Variants in TAMM41 observed in about 807,000 individuals in gnomAD.
TAMM41 encodes phosphatidate cytidylyltransferase, mitochondrial.
A neutral mutation model predicts 44.1 loss-of-function variants in TAMM41; 36 were observed. That is an observed-to-expected ratio of 0.82 (90% confidence interval 0.63 to 1.08). The LOEUF (loss-of-function observed/expected upper bound fraction) is 1.08, where lower values mean the gene tolerates loss of function less well. Ranked by LOEUF, TAMM41 falls within the 50% of genes least tolerant of loss-of-function variation. The probability of loss-of-function intolerance (pLI) is 0.00; values close to 1 mark genes in which losing one functional copy is unlikely to be tolerated. For synonymous variants in TAMM41, 164 were observed against 153.1 expected (o/e 1.07, Z -0.53); for missense variants, 417 against 404.3 (o/e 1.03, Z -0.27).
chr3:11,821,933 T>C (rs1331343959), intron 4 of TAMM41, among the ~76,000 whole-genome samples: 2 of 152,192 alleles, frequency 1.3e-5, no homozygotes, highest in Non-Finnish European at 2.9e-5. Context: ...ATTCCACACC[T>C]GACCTCATGC....
chr3:11,838,869 T>A (rs926370328), intron 3 of TAMM41, among the ~76,000 whole-genome samples: 1 of 152,040 alleles, frequency 6.6e-6, no homozygotes, highest in African/African-American at 2.4e-5. Flanking sequence ...AGCCCTATCC[T>A]GAATCTATCT....
the TAMM41 span, among the ~76,000 whole-genome samples, chr3:11,744,747 T>C: frequency 6.6e-6 from 1 of 151,696 alleles, no homozygotes; most frequent in Non-Finnish European, 1.5e-5. Flanking sequence ...AGAAAATAGA[T>C]TGGGCATGGT....
chr3:11,755,559 G>A, the TAMM41 span, among the ~76,000 whole-genome samples: 3 of 152,126 alleles, frequency 2.0e-5, no homozygotes, highest in East Asian at 1.9e-4. Flanking sequence ...AACTGCTGCC[G>A]AGCACTCTGA....
chr3:11,747,331 G>A, the TAMM41 span, among the ~76,000 whole-genome samples: 14 of 152,154 alleles, frequency 9.2e-5, no homozygotes, highest in African/African-American at 2.4e-5. Context: ...CAACGTGCTG[G>A]GATTACAGGC....
chr3:11,722,224 A>G, the TAMM41 span, among the ~76,000 whole-genome samples: 47 of 152,204 alleles, frequency 3.1e-4, no homozygotes, highest in African/African-American at 1.0e-3. Context: ...CATGGATGTG[A>G]CCAGTCTTCG....
At chr3:11,772,543 G>A in the TAMM41 span, among the ~76,000 whole-genome samples, 3 of 151,828 alleles carry the variant, frequency 2.0e-5, no homozygotes. Context: ...TTTTTTAATG[G>A]CTGAGTATAT....
rs937968518 is a variant in TAMM41, at chr3:11,803,638, C to G, written c.937+4195G>C. Among the ~76,000 whole-genome samples, 6 of 152,270 alleles carry G rather than the reference C, an allele frequency of 3.9e-5. 1 individual carries two copies. Among genetic ancestry groups the G allele is most frequent in the South Asian group, 2.1e-4 (1 of 4,828 alleles). On this transcript the variant is annotated intron_variant, in intron 7 of 7. Coordinates refer to ENST00000455809, the MANE Select transcript of TAMM41 (RefSeq NM_001284401.2). ...AAAACCACTCGTATGTTTACTGCAG[C>G]ACTAGTCACAATAGCAATGATATGG...
chr3:11,811,210 A>C (rs945537337), intron 5 of TAMM41: 2 of 152,196 alleles, frequency 1.3e-5, no homozygotes, highest in Admixed American at 1.3e-4. Context: ...TTTTATCTAA[A>C]TATTTGATAT....
At chr3:11,781,693 C>G in the TAMM41 span, among the ~76,000 whole-genome samples, 2 of 151,382 alleles carry the variant, frequency 1.3e-5, no homozygotes, top group African/African-American at 4.9e-5. Flanking sequence ...CAAGATCATA[C>G]CACTACACTC....
At chr3:11,789,737 G>A (rs2077441475), downstream of TAMM41, among the ~76,000 whole-genome samples, 2 of 152,206 alleles carry the variant, frequency 1.3e-5, no homozygotes, top group African/African-American at 4.8e-5. Context: ...GAGGCCATCT[G>A]AAAGGAGTCT....
intron 4 of TAMM41, among the ~76,000 whole-genome samples, chr3:11,822,689 G>C (rs1267203633): frequency 6.6e-6 from 1 of 152,128 alleles, no homozygotes; most frequent in Admixed American, 6.6e-5. Context: ...GTTTTCAAGG[G>C]TCATCACACT....
At chr3:11,785,195 GCTTT>G in the TAMM41 span, among the ~76,000 whole-genome samples, 1 of 152,118 alleles carries the variant, frequency 6.6e-6, no homozygotes, top group Non-Finnish European at 1.5e-5. Context: ...TCACCAGCTG[GCTTT>G]CTATTAGGTT....
At chr3:11,844,773 A>C (rs889963608) in intron 1 of TAMM41, 1 of 365,368 alleles carries the variant, frequency 2.7e-6, no homozygotes, top group Non-Finnish European at 5.3e-6. Context: ...CTTATTGAGT[A>C]CATAAGTAAT....
the TAMM41 span, among the ~76,000 whole-genome samples, chr3:11,769,893 C>T: frequency 2.8e-4 from 42 of 152,332 alleles, no homozygotes; most frequent in African/African-American, 7.5e-4. Context: ...CCTAGTTATG[C>T]AAAGAGCATC....
At chr3:11,725,393 T>C in the TAMM41 span, among the ~76,000 whole-genome samples, 2,875 of 108,774 alleles carry the variant, frequency 0.026, 45 homozygotes, top group Middle Eastern at 0.033. Flanking sequence ...CCTCCTTCTT[T>C]TTCTTCTTCC....
chr3:11,764,153 G>T, the TAMM41 span, among the ~76,000 whole-genome samples: 1 of 151,962 alleles, frequency 6.6e-6, no homozygotes, highest in African/African-American at 2.4e-5. Flanking sequence ...ACAGGTGCAC[G>T]CCACCATGCC....
chr3:11,807,948 T>C, intron 6 of TAMM41, 53 bp from the exon 7 acceptor site: 1 of 1,474,050 alleles, frequency 6.8e-7, no homozygotes, highest in South Asian at 1.4e-5. Context: ...CAGATGTTAG[T>C]CATCTTAACA....
chr3:11,774,945 C>T, the TAMM41 span, among the ~76,000 whole-genome samples: 6 of 149,776 alleles, frequency 4.0e-5, no homozygotes, highest in African/African-American at 1.5e-4. Flanking sequence ...CTCGGCTTAC[C>T]GCAATCTCCG....
the TAMM41 span, among the ~76,000 whole-genome samples, chr3:11,738,390 G>C: frequency 6.6e-6 from 1 of 152,084 alleles, no homozygotes; most frequent in Non-Finnish European, 1.5e-5. Context: ...CCATCTTTTA[G>C]GAAAGTTGTA....
Sources: gnomAD v4.1 joint callset for allele counts (sites outside exome capture counted in the v4.1 genomes callset) on GRCh38, gnomAD v4.1.1 for gene constraint, MANE v1.5 for transcripts, NCBI Gene and HGNC (gene_info 2026-07-23, HGNC 2026-07-21) for gene names.